Variants in ADAM23 observed in about 807,000 individuals in gnomAD.
The protein encoded by ADAM23 is ADAM metallopeptidase domain 23.
In ADAM23, 33 loss-of-function variants were observed where a neutral mutation model predicts 120.1. The observed-to-expected ratio is 0.27, with a 90% CI of 0.21 to 0.37. The LOEUF is 0.37. Ranked by LOEUF, ADAM23 falls within the 10% of genes least tolerant of loss-of-function variation. The pLI, the probability that ADAM23 is intolerant of heterozygous loss-of-function variation, is 1.00. For synonymous variants in ADAM23, 367 were observed against 375.2 expected (o/e 0.98, Z 0.25); for missense variants, 862 against 1,058.2 (o/e 0.81, Z 2.57).
intron 25 of ADAM23, among the ~76,000 whole-genome samples, chr2:206,612,996 G>A (rs1225138605): frequency 1.3e-5 from 2 of 152,102 alleles, no homozygotes; most frequent in African/African-American, 4.8e-5. Flanking sequence ...TGTTTTATTT[G>A]GTAGATTTTT....
intron 18 of ADAM23, 40 bp from the exon 19 acceptor site, chr2:206,587,285 T>C (rs762799908): frequency 8.7e-5 from 129 of 1,487,294 alleles, no homozygotes; most frequent in Middle Eastern, 7.0e-4. Context: ...TGAAGGTACC[T>C]AGCATGCTGA....
intron 3 of ADAM23, among the ~76,000 whole-genome samples, chr2:206,517,573 T>C (rs1696760852): frequency 6.6e-6 from 1 of 152,186 alleles, no homozygotes; most frequent in Non-Finnish European, 1.5e-5. Context: ...TTTGCTTTTC[T>C]AGTGTCCACA....
chr2:206,538,328 A>G (rs1180154077), intron 4 of ADAM23, among the ~76,000 whole-genome samples: 1 of 152,182 alleles, frequency 6.6e-6, no homozygotes, highest in Non-Finnish European at 1.5e-5. Flanking sequence ...CATTATAGAT[A>G]TCTTTTTCTA....
chr2:206,595,021 A>C (rs1698497225), intron 23 of ADAM23, 116 bp downstream of exon 23: 4 of 1,339,022 alleles, frequency 3.0e-6, no homozygotes, highest in Non-Finnish European at 4.1e-6. Flanking sequence ...TCTCTACTAA[A>C]AATGCAAAAA....
At chr2:206,473,824 A>G (rs909281016) in intron 2 of ADAM23, among the ~76,000 whole-genome samples, 1 of 151,612 alleles carries the variant, frequency 6.6e-6, no homozygotes, top group Non-Finnish European at 1.5e-5. Context: ...CCTGGACAGC[A>G]TGGTGCGACC....
intron 3 of ADAM23, among the ~76,000 whole-genome samples, chr2:206,507,484 T>C (rs905492563): frequency 6.6e-6 from 1 of 152,166 alleles, no homozygotes; most frequent in Non-Finnish European, 1.5e-5. Context: ...CCACTGTGAT[T>C]GTAAGTTTTT....
intron 3 of ADAM23, among the ~76,000 whole-genome samples, chr2:206,520,879 C>A (rs1228736031): frequency 6.6e-6 from 1 of 152,044 alleles, no homozygotes; most frequent in Non-Finnish European, 1.5e-5. Context: ...CTAAACCCAC[C>A]TTTTCAACAC....
chr2:206,493,395 G>A lies in ADAM23; in HGVS notation c.509+12087G>A, dbSNP rs562885130. Among the ~76,000 whole-genome samples, 710 of 146,376 alleles carry A rather than the reference G, an allele frequency of 4.9e-3. 6 individuals carry two copies. The highest frequency in any genetic ancestry group is 0.016 in the African/African-American group (666 of 40,970). ...TTTTATTTATTTATTTTTTTGAGAC[G>A]GAGTTTCGCTCTTGTCACCCAGGCT... On this transcript the variant is annotated intron_variant, in intron 3 of 25. Transcript: ENST00000264377.
At chr2:206,450,598 T>C (rs771638618) in intron 2 of ADAM23, among the ~76,000 whole-genome samples, 4 of 152,110 alleles carry the variant, frequency 2.6e-5, no homozygotes, top group Non-Finnish European at 4.4e-5. Context: ...TGGTCTTGAG[T>C]TTTTAGCACT....
chr2:206,582,837 A>G (rs186073533), intron 18 of ADAM23, among the ~76,000 whole-genome samples: 6 of 152,278 alleles, frequency 3.9e-5, no homozygotes, highest in African/African-American at 1.4e-4. Flanking sequence ...GCTGAATACA[A>G]AATTCTTGGC....
intron 2 of ADAM23, among the ~76,000 whole-genome samples, chr2:206,477,007 GAT>G (rs1695788585): frequency 6.6e-6 from 1 of 152,070 alleles, no homozygotes; most frequent in African/African-American, 2.4e-5. Context: ...TTTATGATTA[GAT>G]ATAGAGTTAT....
intron 4 of ADAM23, among the ~76,000 whole-genome samples, chr2:206,540,216 T>TACACACACACACACACACACAC (rs71034461): frequency 1.4e-4 from 19 of 131,868 alleles, no homozygotes; most frequent in African/African-American, 5.7e-4. Flanking sequence ...CCCTTCACTG[T>TACACACACACACACACACACAC]ACACACACAC....
chr2:206,509,738 T>C (rs1456629369), intron 3 of ADAM23, among the ~76,000 whole-genome samples: 2 of 152,248 alleles, frequency 1.3e-5, no homozygotes, highest in Middle Eastern at 3.2e-3. Context: ...TGTGAGCCAC[T>C]GCGCCCAGCC....
At chr2:206,571,670 A>G (rs1296405514) in intron 16 of ADAM23, 57 bp from the exon 17 acceptor site, 36 of 1,271,634 alleles carry the variant, frequency 2.8e-5, no homozygotes, top group Non-Finnish European at 3.7e-5. Context: ...TGTGGAGAGA[A>G]TATGAATGAC....
chr2:206,523,965 G>A (rs984133603), intron 3 of ADAM23, among the ~76,000 whole-genome samples: 4 of 152,118 alleles, frequency 2.6e-5, no homozygotes, highest in Non-Finnish European at 5.9e-5. Context: ...TCTCCGCAGT[G>A]ACAGCATTGG....
At chr2:206,496,976 C>T (rs1696265977) in intron 3 of ADAM23, among the ~76,000 whole-genome samples, 1 of 152,146 alleles carries the variant, frequency 6.6e-6, no homozygotes, top group African/African-American at 2.4e-5. Flanking sequence ...TCTGAATAGA[C>T]CAATAACGGG....
At chr2:206,522,176 A>G (rs1368780371) in intron 3 of ADAM23, among the ~76,000 whole-genome samples, 1 of 151,936 alleles carries the variant, frequency 6.6e-6, no homozygotes, top group African/African-American at 2.4e-5. Flanking sequence ...TACATTATAC[A>G]TATATAAATA....
intron 18 of ADAM23, among the ~76,000 whole-genome samples, chr2:206,583,286 C>G (rs1698255128): frequency 6.6e-6 from 1 of 152,156 alleles, no homozygotes; most frequent in Admixed American, 6.5e-5. Context: ...AACCCCGTCT[C>G]TACTAAAAAT....
At chr2:206,616,278 GC>G (rs957951277) in intron 25 of ADAM23, among the ~76,000 whole-genome samples, 3 of 152,210 alleles carry the variant, frequency 2.0e-5, no homozygotes, top group African/African-American at 7.2e-5. Context: ...CATCAGCAGT[GC>G]CCGCTTTCAA....
Sources: allele counts gnomAD v4.1 joint callset (sites outside exome capture counted in the v4.1 genomes callset), GRCh38; gene constraint gnomAD v4.1.1; transcripts MANE v1.5; gene names NCBI Gene and HGNC (gene_info 2026-07-23, HGNC 2026-07-21).